HDHD2: variants seen among roughly 807,000 people sequenced by gnomAD.
HDHD2 encodes the protein haloacid dehalogenase-like hydrolase domain-containing protein 2.
HDHD2 carries 26 observed loss-of-function variants against 24.8 expected under a neutral mutation model. The observed-to-expected ratio is 1.05, with a 90% CI of 0.77 to 1.45. The LOEUF is 1.45. Among genes scored for constraint, HDHD2 ranks in the 40% most tolerant of loss-of-function variants. HDHD2 has a pLI of 0.00. For missense variants in HDHD2, 299 were observed against 313.4 expected (o/e 0.95, Z 0.35); for synonymous variants, 128 against 114.9 (o/e 1.11, Z -0.73).
intron 1 of HDHD2, among the ~76,000 whole-genome samples, chr18:47,146,637 TAC>T (rs2063873414): frequency 6.6e-6 from 1 of 152,152 alleles, no homozygotes; most frequent in African/African-American, 2.4e-5. Flanking sequence ...GTGGTATATT[TAC>T]ACACAGAAAA....
chr18:47,140,405 T>C (rs2063809237), intron 1 of HDHD2, among the ~76,000 whole-genome samples: 4 of 152,268 alleles, frequency 2.6e-5, no homozygotes, highest in African/African-American at 9.6e-5. Context: ...TAGACACAAC[T>C]CTATCATTGC....
chr18:47,125,751 G>A (rs2063652900), intron 4 of HDHD2, among the ~76,000 whole-genome samples: 1 of 152,152 alleles, frequency 6.6e-6, no homozygotes, highest in Non-Finnish European at 1.5e-5. Context: ...CTGGGAAAGG[G>A]AGCCACCAAG....
chr18:47,138,955 T>C (rs1036167263), intron 1 of HDHD2, among the ~76,000 whole-genome samples: 1 of 152,216 alleles, frequency 6.6e-6, no homozygotes, highest in Non-Finnish European at 1.5e-5. Context: ...CAATCATACC[T>C]ATCCAATGAA....
chr18:47,112,569 A>T (rs978095031), intron 6 of HDHD2, among the ~76,000 whole-genome samples: 2 of 152,254 alleles, frequency 1.3e-5, no homozygotes, highest in Non-Finnish European at 2.9e-5. Context: ...AAACATTAAC[A>T]CAAAGAATCA....
rs561380381 is a variant in HDHD2 at position 47,135,263 on chromosome 18, T to C, written c.102-559A>G. On this transcript the variant is annotated intron_variant, in intron 2 of 6. Transcript: ENST00000300605. ...TATGAGTCACTAGATTTTTTCTTTT[T>C]TTTTTTTTTTTTTTTGAGACGGAGT... Among the ~76,000 whole-genome samples the C allele has an allele frequency of 2.3e-4, 34 of 149,188 alleles. No individual in the cohort carries two copies. In the South Asian group the frequency reaches 2.8e-3, roughly 12 times the overall value.
chr18:47,118,159 G>A (rs11876448), intron 4 of HDHD2, among the ~76,000 whole-genome samples: 16,994 of 152,112 alleles, frequency 0.11, 1,054 homozygotes, highest in Non-Finnish European at 0.14. Flanking sequence ...GCAGAGCAGC[G>A]AGAGAAAGCT....
At chr18:47,120,637 G>A (rs1444750124) in intron 4 of HDHD2, among the ~76,000 whole-genome samples, 1 of 152,100 alleles carries the variant, frequency 6.6e-6, no homozygotes, top group African/African-American at 2.4e-5. Context: ...TGGCTATTTG[G>A]CACGAGAGAC....
chr18:47,148,108 C>A (rs542952483), intron 1 of HDHD2, among the ~76,000 whole-genome samples: 1 of 151,950 alleles, frequency 6.6e-6, no homozygotes, highest in Non-Finnish European at 1.5e-5. Context: ...CTCCCACCTC[C>A]GCCTCCCAAG....
At chr18:47,148,288 G>A (rs1447574857) in intron 1 of HDHD2, among the ~76,000 whole-genome samples, 2 of 152,128 alleles carry the variant, frequency 1.3e-5, no homozygotes, top group African/African-American at 4.8e-5. Context: ...ACCAAGCCTT[G>A]TCTGAACATG....
At chr18:47,128,190 A>G (rs980543864) in intron 4 of HDHD2, among the ~76,000 whole-genome samples, 1 of 152,232 alleles carries the variant, frequency 6.6e-6, no homozygotes, top group African/African-American at 2.4e-5. Flanking sequence ...AAAGTGTACT[A>G]ATTAGACAGC....
Position 47,119,285 on chromosome 18 carries a change from G to C in HDHD2, c.396-3937C>G, listed in dbSNP as rs568023575. On this transcript the variant is annotated intron_variant, in intron 4 of 6. Transcript: ENST00000300605. Reference sequence around the variant, plus strand: ...AGAATTCTCTGTAGTATGTGATGTTGTTTCACAGTATTCACAACAGAAACT... The same window carrying C: ...AGAATTCTCTGTAGTATGTGATGTTCTTTCACAGTATTCACAACAGAAACT... 2.0e-5 allele frequency among the ~76,000 whole-genome samples: 3 copies of C among 152,260 alleles called. No homozygotes were observed. In the South Asian group the frequency reaches 6.2e-4, roughly 32 times the overall value.
Position 47,136,451 on chromosome 18 carries a change from T to C in HDHD2, c.-10-2A>G, listed in dbSNP as rs200622348. On this transcript the variant is annotated splice_acceptor_variant, in intron 1 of 6. Transcript: ENST00000300605. LOFTEE classifies it low-confidence loss of function (5UTR_SPLICE). ...CGGCATGCTGCCATCCTTCATTCCCTAGGAGAGAGCAAATGAAATTAAAAA... is the reference window on the plus strand; with the variant it reads ...CGGCATGCTGCCATCCTTCATTCCCCAGGAGAGAGCAAATGAAATTAAAAA... The C allele has an allele frequency of 1.5e-4, 237 of 1,610,422 alleles. 2 individuals are homozygous for C. In the African/African-American group the frequency reaches 2.9e-3, roughly 19 times the overall value.
At chr18:47,110,402 A>T in intron 6 of HDHD2, 1 of 985,360 alleles carries the variant, frequency 1.0e-6, no homozygotes. Flanking sequence ...TCCCAAGCTT[A>T]AATATCGTTA....
chr18:47,134,436 A>G (rs1599950610), intron 3 of HDHD2, 60 bp downstream of exon 3: 1 of 1,193,918 alleles, frequency 8.4e-7, no homozygotes, highest in East Asian at 2.4e-5. Flanking sequence ...ATCCAGTTTT[A>G]AAAATGATTT....
chr18:47,130,162 AT>A, intron 4 of HDHD2, 81 bp downstream of exon 4: 2 of 853,964 alleles, frequency 2.3e-6, no homozygotes, highest in Non-Finnish European at 3.8e-6. Context: ...AGTAAAACAC[AT>A]AAACCCATTC....
At chr18:47,114,842 A>G (rs2063544383) in intron 5 of HDHD2, among the ~76,000 whole-genome samples, 2 of 151,146 alleles carry the variant, frequency 1.3e-5, no homozygotes, top group Admixed American at 1.3e-4. Context: ...CTATATATAT[A>G]ATATACAAAT....
intron 1 of HDHD2, chr18:47,149,011 A>G (rs992084556): frequency 5.3e-5 from 8 of 152,118 alleles, no homozygotes; most frequent in African/African-American, 1.9e-4. Flanking sequence ...TAATAACACA[A>G]CTCTAATGGT....
chr18:47,110,942 A>G, intron 6 of HDHD2: 1 of 985,256 alleles, frequency 1.0e-6, no homozygotes, highest in Non-Finnish European at 1.2e-6. Flanking sequence ...ATTGCTCGAG[A>G]TGATCCACAG....
intron 3 of HDHD2, among the ~76,000 whole-genome samples, chr18:47,133,965 A>C (rs1230736453): frequency 6.6e-6 from 1 of 152,154 alleles, no homozygotes; most frequent in Non-Finnish European, 1.5e-5. Flanking sequence ...TGCTGTGCAG[A>C]AGCTCTTTAG....
Sources: allele counts gnomAD v4.1 joint callset (sites outside exome capture counted in the v4.1 genomes callset), GRCh38; gene constraint gnomAD v4.1.1; transcripts MANE v1.5; gene names NCBI Gene and HGNC (gene_info 2026-07-23, HGNC 2026-07-21).